Variants in CIT observed in about 807,000 individuals in gnomAD.
CIT encodes the protein citron rho-interacting serine/threonine kinase.
CIT carries 79 observed loss-of-function variants against 272.7 expected under a neutral mutation model. The ratio of observed to expected loss-of-function variants is 0.29; its 90% CI spans 0.24 to 0.35. The LOEUF is 0.35. CIT is among the 10% of genes least tolerant of loss of function. CIT has a pLI of 1.00. For synonymous variants in CIT, 948 were observed against 995.6 expected (o/e 0.95, Z 0.90); for missense variants, 1,909 against 2,618.3 (o/e 0.73, Z 5.91).
Position 119,718,724 on chromosome 12 carries a change from G to T in CIT, c.3978C>A (p.Ile1326=), listed in dbSNP as rs189457822. ...CTTCCTCCCGGGCGGACCGGAGCTC[G>T]ATGCGGGTCTTCTGAAGGGCTTCCT... ...ELEEALQKTR[I]ELRSAREEAA... The change falls in exon 31 of 48, where the codon ATC becomes ATA. Residue 1326 remains isoleucine, a synonymous_variant. Transcript: ENST00000392521. The surrounding 1 kb of genome is among the most constrained non-coding windows in gnomAD (Gnocchi z 4.8). 2 of 1,613,620 alleles carry T rather than the reference G, an allele frequency of 1.2e-6. No individual in the cohort carries two copies. Among genetic ancestry groups the T allele is most frequent in the South Asian group, 2.2e-5 (2 of 91,076 alleles).
At chr12:119,705,209 G>A (rs551422825) in intron 40 of CIT, among the ~76,000 whole-genome samples, 3 of 152,250 alleles carry the variant, frequency 2.0e-5, no homozygotes, top group South Asian at 2.1e-4. Flanking sequence ...CACCACACCC[G>A]GCCCACATTT....
intron 7 of CIT, among the ~76,000 whole-genome samples, chr12:119,826,870 G>A (rs976882848): frequency 1.4e-4 from 21 of 152,168 alleles, no homozygotes; most frequent in African/African-American, 5.1e-4. Context: ...GTGTGGAGAG[G>A]AAAGTGAATG....
At chr12:119,695,236 T>A (rs1447402901) in intron 46 of CIT, among the ~76,000 whole-genome samples, 1 of 152,134 alleles carries the variant, frequency 6.6e-6, no homozygotes, top group East Asian at 1.9e-4. Flanking sequence ...GAAACCAATG[T>A]CCTTGGAACC....
chr12:119,705,562 A>G (rs962727953), intron 40 of CIT, among the ~76,000 whole-genome samples: 3 of 152,134 alleles, frequency 2.0e-5, no homozygotes, highest in African/African-American at 4.8e-5. Flanking sequence ...TGTTCCATAC[A>G]TTTTTTGAAC....
chr12:119,738,442 A>C (rs1958892473), intron 24 of CIT, among the ~76,000 whole-genome samples: 1 of 152,212 alleles, frequency 6.6e-6, no homozygotes, highest in African/African-American at 2.4e-5. Flanking sequence ...TAGAGAGTAA[A>C]AAAGAGAAAC....
chr12:119,691,511 C>T (rs976193017), intron 46 of CIT, among the ~76,000 whole-genome samples: 12 of 152,296 alleles, frequency 7.9e-5, no homozygotes, highest in Admixed American at 6.5e-5. Flanking sequence ...GACAATAAGA[C>T]GACCGAGAGG....
chr12:119,737,951 CTGACT>C (rs1263150803), intron 24 of CIT, among the ~76,000 whole-genome samples: 2 of 152,144 alleles, frequency 1.3e-5, no homozygotes, highest in African/African-American at 4.8e-5. Flanking sequence ...AGATATTAAA[CTGACT>C]TATGACATAG....
Position 119,687,920 on chromosome 12 carries a change from C to T in CIT, c.*312G>A, listed in dbSNP as rs984625054. ...TGTAGTTAGCATCCCGGTTGGTTTC[C>T]TTTGATGAACTAACTGGTACAGGCT... On this transcript the variant is annotated 3_prime_UTR_variant, in exon 48 of 48. Coordinates refer to ENST00000392521, the MANE Select transcript of CIT (RefSeq NM_001206999.2). The T allele has an allele frequency of 2.9e-6, 1 of 344,688 alleles. No homozygotes were observed. Among genetic ancestry groups the T allele is most frequent in the Middle Eastern group, 7.7e-4 (1 of 1,302 alleles). 21.4% of individuals were successfully genotyped at this position (344,688 alleles called of 1,614,324 possible).
rs994054058 is a variant in CIT, at chr12:119,697,353, G to A, written c.5882+306C>T. Among the ~76,000 whole-genome samples the A allele has an allele frequency of 2.6e-5, 4 of 152,056 alleles. No homozygotes were observed. The highest frequency in any genetic ancestry group is 2.1e-4 in the South Asian group (1 of 4,822). On this transcript the variant is annotated intron_variant, in intron 46 of 47. Coordinates refer to ENST00000392521, the MANE Select transcript of CIT (RefSeq NM_001206999.2). The surrounding 1 kb of genome is among the most constrained non-coding windows in gnomAD (Gnocchi z 4.9). ...CCCCACAAGCCCAACAACTAGCACC[G>A]CAGAATACCTGCTAAAGCAATAAAT...
At chr12:119,827,454 T>C (rs1968263495) in intron 7 of CIT, among the ~76,000 whole-genome samples, 1 of 151,626 alleles carries the variant, frequency 6.6e-6, no homozygotes, top group Admixed American at 6.6e-5. Flanking sequence ...TTTTTTTTTT[T>C]CCGAGATGGA....
Position 119,803,394 on chromosome 12 carries a change from T to C in CIT, c.1112-5A>G, listed in dbSNP as rs1286709472. ...TGGGAACGAAGGGGGGAGGAGCTGG[T>C]TAAAGAAAAACAAGAAAGGAGGCGG... On this transcript the variant is annotated splice_region_variant and splice_polypyrimidine_tract_variant and intron_variant, in intron 9 of 47. Coordinates refer to ENST00000392521, the MANE Select transcript of CIT (RefSeq NM_001206999.2). The C allele has an allele frequency of 1.2e-5, 18 of 1,536,868 alleles. No homozygotes were observed. The highest frequency in any genetic ancestry group is 2.2e-5 in the Admixed American group (1 of 45,770).
At chr12:119,752,368 T>C in intron 22 of CIT, 121 bp from the exon 23 acceptor site, 1 of 870,114 alleles carries the variant, frequency 1.1e-6, no homozygotes, top group South Asian at 1.8e-5. Flanking sequence ...AACCACCTTC[T>C]CGGCACTCGA....
intron 44 of CIT, chr12:119,699,759 C>A: frequency 2.2e-6 from 1 of 455,762 alleles, no homozygotes; most frequent in Admixed American, 2.3e-5. Flanking sequence ...ACTGTCCAGT[C>A]AAGCCACGGA....
At chr12:119,692,269 C>A (rs902055235) in intron 46 of CIT, among the ~76,000 whole-genome samples, 5 of 152,206 alleles carry the variant, frequency 3.3e-5, no homozygotes, top group African/African-American at 1.2e-4. Flanking sequence ...GGCAATATGG[C>A]AAGACCCCGC....
intron 46 of CIT, among the ~76,000 whole-genome samples, chr12:119,692,272 G>C (rs987839871): frequency 3.3e-5 from 5 of 152,212 alleles, no homozygotes; most frequent in Non-Finnish European, 5.9e-5. Context: ...AATATGGCAA[G>C]ACCCCGCTTC....
intron 10 of CIT, among the ~76,000 whole-genome samples, chr12:119,797,835 T>C (rs769928861): frequency 9.2e-5 from 14 of 152,162 alleles, no homozygotes; most frequent in Non-Finnish European, 1.6e-4. Context: ...CCAGGACAGA[T>C]GGGAGGCAAA....
chr12:119,805,116 T>C (rs1966513610), intron 9 of CIT, among the ~76,000 whole-genome samples: 1 of 151,902 alleles, frequency 6.6e-6, no homozygotes, highest in African/African-American at 2.4e-5. Flanking sequence ...TTCATAAGGA[T>C]CAAAAACAGA....
Position 119,784,660 on chromosome 12 carries a change from C to T in CIT, c.1401+300G>A. The T allele has an allele frequency of 7.9e-7, 1 of 1,268,960 alleles. No individual in the cohort carries two copies. The highest frequency in any genetic ancestry group is 2.0e-5 in the South Asian group (1 of 50,468). 78.6% of individuals were successfully genotyped at this position (1,268,960 alleles called of 1,614,324 possible). A position where few individuals can be genotyped will look rare whatever the true frequency, so the allele number is the denominator to read the frequency against. ...AAGCAGATGGGATGTATCTCAGCCA[C>T]AGGTGAGGACCCAGGCCACCTGCCG... On this transcript the variant is annotated intron_variant, in intron 11 of 47. Coordinates refer to ENST00000392521, the MANE Select transcript of CIT (RefSeq NM_001206999.2). The surrounding 1 kb of genome is among the most constrained non-coding windows in gnomAD (Gnocchi z 4.7).
At chr12:119,876,761 A>C (rs1487944494) in intron 1 of CIT, among the ~76,000 whole-genome samples, 4 of 152,140 alleles carry the variant, frequency 2.6e-5, no homozygotes, top group African/African-American at 9.7e-5. Flanking sequence ...AGCCAAGCCA[A>C]AAGCACTGAG....
Sources: allele counts gnomAD v4.1 joint callset (sites outside exome capture counted in the v4.1 genomes callset), GRCh38; gene constraint gnomAD v4.1.1; non-coding constraint Gnocchi (gnomAD v3.1); transcripts MANE v1.5; gene names NCBI Gene and HGNC (gene_info 2026-07-23, HGNC 2026-07-21).